The following UACA variants were observed in gnomAD, a reference collection of about 807,000 sequenced individuals.
UACA encodes nuclear membrane binding protein.
UACA carries 112 observed loss-of-function variants against 160.5 expected under a neutral mutation model. The observed-to-expected ratio is 0.70, with a 90% confidence interval of 0.60 to 0.82. UACA has a LOEUF of 0.82. UACA is among the 40% of genes least tolerant of loss of function. UACA has a pLI of 0.00. For missense variants in UACA, 1,574 were observed against 1,614.6 expected, an observed-to-expected ratio of 0.97 and a Z score of 0.43; for synonymous variants, 557 against 568.4, an observed-to-expected ratio of 0.98 and a Z score of 0.29.
chr15:70,664,896 T>C, intron 16 of UACA, 82 bp from the exon 17 acceptor site: 1 of 1,305,838 alleles, frequency 7.7e-7, no homozygotes, highest in East Asian at 2.6e-5. Context: ...CATTCCTTTT[T>C]GGAGACAGAA....
chr15:70,677,011 C>G, intron 12 of UACA, 97 bp downstream of exon 12: 1 of 891,214 alleles, frequency 1.1e-6, no homozygotes, highest in Non-Finnish European at 1.7e-6. Context: ...AAATAGAATC[C>G]TGGTCTCTAT....
In UACA at chr15:70,667,242, T is replaced by C. The variant is rs755393718; in HGVS notation, c.3442A>G (p.Thr1148Ala). The stretch of plus-strand genomic sequence containing the variant: ...AACAATTGATGCAGTTTGGTCACTG[T>C]CTGCTGCTCTTTCTCGTAACACCTT... The part of the protein sequence containing the change: ...MQRCYEKEQQ[T>A]VTKLHQLLEN... Residue 1148 changes from threonine (T) to alanine (A), a missense_variant, in exon 16 of 19, where the codon ACA (threonine) becomes GCA (alanine). Transcript: ENST00000322954. 1.9e-6 allele frequency: 3 copies of C among 1,613,950 alleles called. No homozygotes were observed. Among genetic ancestry groups the C allele is most frequent in the Non-Finnish European group, 2.5e-6 (3 of 1,179,970 alleles).
At chr15:70,737,411 A>G (rs1411237729) in intron 1 of UACA, among the ~76,000 whole-genome samples, 1 of 152,180 alleles carries the variant, frequency 6.6e-6, no homozygotes, top group Admixed American at 6.6e-5. Context: ...TATTTTTTCC[A>G]TATTTAAAAA....
Position 70,677,148 on chromosome 15 carries a change from T to C in UACA, c.1000-8A>G, listed in dbSNP as rs771494174. The C allele has an allele frequency of 6.3e-7, 1 of 1,595,946 alleles. No individual in the cohort carries two copies. Among genetic ancestry groups the C allele is most frequent in the Non-Finnish European group, 8.6e-7 (1 of 1,168,596 alleles). On this transcript the variant is annotated splice_polypyrimidine_tract_variant and splice_region_variant and intron_variant, in intron 11 of 18. Coordinates refer to ENST00000322954, the MANE Select transcript of UACA (RefSeq NM_018003.4). ...ATCAGCAACCATAACTTCCTAAATT[T>C]AAAAAGAACACAAAATATTTTAATT...
chr15:70,716,155 G>A (rs1395002661), intron 1 of UACA, among the ~76,000 whole-genome samples: 2 of 152,168 alleles, frequency 1.3e-5, no homozygotes, highest in Non-Finnish European at 2.9e-5. Context: ...AGTGACCTTT[G>A]TAGGAGATCC....
chr15:70,674,446 G>A (rs914203629), intron 13 of UACA, among the ~76,000 whole-genome samples: 1 of 152,054 alleles, frequency 6.6e-6, no homozygotes, highest in African/African-American at 2.4e-5. Flanking sequence ...GATTATAGGT[G>A]TCTTTTGCAT....
intron 1 of UACA, among the ~76,000 whole-genome samples, chr15:70,728,504 G>C (rs533228297): frequency 1.6e-4 from 24 of 150,698 alleles, no homozygotes. Flanking sequence ...CGGAGGTTGC[G>C]GTGAGCCGAG....
chr15:70,721,657 C>T (rs1898997915), intron 1 of UACA, among the ~76,000 whole-genome samples: 1 of 151,808 alleles, frequency 6.6e-6, no homozygotes, highest in South Asian at 2.1e-4. Flanking sequence ...AGTTGCAACC[C>T]TAATAAACTT....
intron 13 of UACA, among the ~76,000 whole-genome samples, chr15:70,673,408 T>C (rs916007459): frequency 2.0e-5 from 3 of 152,210 alleles, no homozygotes; most frequent in African/African-American, 7.2e-5. Context: ...TAGTTGACCA[T>C]GATAAAACAG....
intron 1 of UACA, among the ~76,000 whole-genome samples, chr15:70,756,965 C>G (rs1447963929): frequency 2.0e-5 from 3 of 152,202 alleles, no homozygotes; most frequent in Non-Finnish European, 2.9e-5. Context: ...TCGATATCAT[C>G]AAGTATCCAG....
intron 9 of UACA, among the ~76,000 whole-genome samples, chr15:70,680,817 C>T (rs1041840088): frequency 2.6e-5 from 4 of 152,228 alleles, no homozygotes; most frequent in Non-Finnish European, 5.9e-5. Context: ...CACTTAGCAG[C>T]GATCTGATCA....
At chr15:70,756,795 C>A (rs1046505342) in intron 1 of UACA, among the ~76,000 whole-genome samples, 3 of 152,140 alleles carry the variant, frequency 2.0e-5, no homozygotes, top group African/African-American at 7.2e-5. Flanking sequence ...ATCACTTGAA[C>A]CCGGGAGGCG....
At chr15:70,758,180 T>C (rs1205939786) in intron 1 of UACA, 1 of 152,254 alleles carries the variant, frequency 6.6e-6, no homozygotes, top group Non-Finnish European at 1.5e-5. Flanking sequence ...CAAACCACTC[T>C]GCTTTGGTAT....
chr15:70,737,846 A>G (rs1899415830), intron 1 of UACA, among the ~76,000 whole-genome samples: 1 of 152,260 alleles, frequency 6.6e-6, no homozygotes, highest in African/African-American at 2.4e-5. Context: ...CCTTTTACTT[A>G]AAGTAGAAGT....
At chr15:70,679,806 T>C in intron 9 of UACA, 130 bp from the exon 10 acceptor site, 1 of 484,262 alleles carries the variant, frequency 2.1e-6, no homozygotes, top group Non-Finnish European at 3.6e-6. Flanking sequence ...TAACACAAGG[T>C]GGCAGTGTTT....
upstream of UACA, among the ~76,000 whole-genome samples, chr15:70,763,795 G>C (rs371992350): frequency 2.1e-4 from 32 of 152,376 alleles, no homozygotes; most frequent in Middle Eastern, 3.4e-3. Flanking sequence ...GGCCACCGGC[G>C]CCCGCCCACC....
chr15:70,702,477 T>TG (rs146389727), intron 1 of UACA, among the ~76,000 whole-genome samples: 1 of 152,332 alleles, frequency 6.6e-6, no homozygotes, highest in African/African-American at 2.4e-5. Flanking sequence ...TCAGGTCTAC[T>TG]GGGGAAAATG....
chr15:70,742,747 T>C (rs186530782), intron 1 of UACA, among the ~76,000 whole-genome samples: 32 of 152,328 alleles, frequency 2.1e-4, no homozygotes, highest in African/African-American at 7.7e-4. Context: ...GTACCTATAA[T>C]TTTTATTTTG....
At chr15:70,716,481 A>T (rs1255019313) in intron 1 of UACA, among the ~76,000 whole-genome samples, 1 of 152,214 alleles carries the variant, frequency 6.6e-6, no homozygotes, top group Non-Finnish European at 1.5e-5. Flanking sequence ...ATTTAAACCT[A>T]GGACTGCCTG....
Sources: allele counts gnomAD v4.1 joint callset (sites outside exome capture counted in the v4.1 genomes callset), GRCh38; gene constraint gnomAD v4.1.1; transcripts MANE v1.5; gene names NCBI Gene and HGNC (gene_info 2026-07-23, HGNC 2026-07-21).